Variants in CHN2 observed in about 807,000 individuals in gnomAD.
CHN2 encodes beta-chimaerin.
Under a neutral mutation model 56.3 loss-of-function variants are expected in CHN2, and 35 were observed. The observed-to-expected ratio is 0.62, with a 90% CI of 0.47 to 0.82. CHN2 has a LOEUF of 0.82. Ranked by LOEUF, CHN2 falls within the 40% of genes least tolerant of loss-of-function variation. The pLI is 0.00. For missense variants in CHN2, 491 were observed against 580.5 expected, an observed-to-expected ratio of 0.85 and a Z score of 1.58; for synonymous variants, 210 against 212.8, an observed-to-expected ratio of 0.99 and a Z score of 0.12.
At chr7:29,293,512 C>G (rs1283427158) in intron 1 of CHN2, among the ~76,000 whole-genome samples, 1 of 152,208 alleles carries the variant, frequency 6.6e-6, no homozygotes, top group Non-Finnish European at 1.5e-5. Flanking sequence ...CCTCAGACTT[C>G]TGGTCACTGT....
intron 1 of CHN2, among the ~76,000 whole-genome samples, chr7:29,305,108 G>A (rs1794037320): frequency 6.6e-6 from 1 of 152,152 alleles, no homozygotes; most frequent in South Asian, 2.1e-4. Context: ...CAGTGGCCAA[G>A]GAAGGAGCTC....
chr7:29,276,963 A>G (rs1462815368), intron 1 of CHN2, among the ~76,000 whole-genome samples: 1 of 152,178 alleles, frequency 6.6e-6, no homozygotes, highest in African/African-American at 2.4e-5. Flanking sequence ...GACAACTGCA[A>G]ACAGCCATGC....
intron 2 of CHN2, among the ~76,000 whole-genome samples, chr7:29,355,369 T>C (rs1396723928): frequency 6.6e-6 from 1 of 152,206 alleles, no homozygotes; most frequent in Admixed American, 6.5e-5. Context: ...TAAAATATCA[T>C]ATGACATCAA....
rs1460839162 is a variant in CHN2 at position 29,514,187 on chromosome 7, TGTTGTA to T, written c.*1456_*1461del. ...CTCCTCCCAACTGTACAGATTTGTT[TGTTGTA>T]GTTTATGTACTTCTTGATACTGTCA... On this transcript the variant is annotated 3_prime_UTR_variant, in exon 13 of 13. Coordinates refer to ENST00000222792, the MANE Select transcript of CHN2 (RefSeq NM_004067.4). 6.6e-6 allele frequency: 1 copy of T among 152,656 alleles called. No individual in the cohort carries two copies. The highest frequency in any genetic ancestry group is 1.5e-5 in the Non-Finnish European group (1 of 68,048). The allele number at this position is 152,656 out of a possible 1,614,324, so 9.5% of individuals were successfully genotyped here. A position where few individuals can be genotyped will look rare whatever the true frequency, so the allele number is the denominator to read the frequency against.
intron 3 of CHN2, among the ~76,000 whole-genome samples, chr7:29,388,026 TAATTATTTAGGAGCATTTTAGTA>T (rs1302515064): frequency 6.6e-6 from 1 of 152,200 alleles, no homozygotes. Context: ...GATTGTCAGG[TAATTATTTAGGAGCATTTTAGTA>T]ATATTTGGAA....
chr7:29,361,098 G>C (rs1012995236), intron 2 of CHN2, among the ~76,000 whole-genome samples: 1 of 152,206 alleles, frequency 6.6e-6, no homozygotes, highest in African/African-American at 2.4e-5. Flanking sequence ...TGCTGCAGAA[G>C]TAATTCCATC....
chr7:29,482,811 T>C (rs1297677705), intron 7 of CHN2, among the ~76,000 whole-genome samples: 5 of 28,522 alleles, frequency 1.8e-4, no homozygotes, highest in South Asian at 1.9e-3. Context: ...TTTTTTTTTT[T>C]TTTTTTTTTT....
chr7:29,261,726 T>C (rs1789571873), intron 1 of CHN2, among the ~76,000 whole-genome samples: 1 of 152,208 alleles, frequency 6.6e-6, no homozygotes, highest in Non-Finnish European at 1.5e-5. Flanking sequence ...CATTGGATGC[T>C]CATAGAGGTC....
chr7:29,498,232 A>G (rs1256909142), intron 8 of CHN2, among the ~76,000 whole-genome samples: 1 of 152,222 alleles, frequency 6.6e-6, no homozygotes, highest in East Asian at 1.9e-4. Context: ...ACACTATGCT[A>G]AACACTTTAT....
At chr7:29,430,947 T>C (rs1782810495) in intron 6 of CHN2, among the ~76,000 whole-genome samples, 1 of 152,140 alleles carries the variant, frequency 6.6e-6, no homozygotes, top group Non-Finnish European at 1.5e-5. Flanking sequence ...GGAGCCATAA[T>C]TGGCTTGGAC....
chr7:29,234,724 C>T (rs1351003340), intron 1 of CHN2, among the ~76,000 whole-genome samples: 2 of 152,138 alleles, frequency 1.3e-5, no homozygotes, highest in Admixed American at 6.5e-5. Context: ...TGTCATGTCC[C>T]GTCACATGAG....
chr7:29,201,583 A>G (rs563791206), intron 1 of CHN2, among the ~76,000 whole-genome samples: 1 of 152,228 alleles, frequency 6.6e-6, no homozygotes, highest in Non-Finnish European at 1.5e-5. Context: ...CCCTGTGTAT[A>G]GCTGTGTTGT....
In CHN2 at chr7:29,238,714, C is replaced by T. The variant is rs372211655; in HGVS notation, c.49+43724C>T. Reference sequence around the variant, plus strand: ...TTTGAGATAGGATGATCAGGGAGGGCCTTCCCAAGGTGGGGACTTTTAGCA... The same window carrying T: ...TTTGAGATAGGATGATCAGGGAGGGTCTTCCCAAGGTGGGGACTTTTAGCA... On this transcript the variant is annotated intron_variant, in intron 1 of 12. Transcript: ENST00000222792. Among the ~76,000 whole-genome samples, 67 of 152,220 alleles carry T rather than the reference C, an allele frequency of 4.4e-4. 2 individuals carry two copies. In the South Asian group the frequency reaches 0.014, roughly 32 times the overall value.
chr7:29,415,603 C>T (rs986909082), intron 6 of CHN2, among the ~76,000 whole-genome samples: 3 of 152,008 alleles, frequency 2.0e-5, no homozygotes, highest in Non-Finnish European at 2.9e-5. Flanking sequence ...GGGAAGGCTG[C>T]GAGGAGGGAG....
chr7:29,392,579 C>CCAG (rs1374743832), intron 3 of CHN2, among the ~76,000 whole-genome samples: 1 of 152,158 alleles, frequency 6.6e-6, no homozygotes, highest in Admixed American at 6.5e-5. Flanking sequence ...CGAGGCTTGT[C>CCAG]CTAGGCAGCA....
intron 1 of CHN2, among the ~76,000 whole-genome samples, chr7:29,285,534 A>G (rs568243019): frequency 6.6e-6 from 1 of 152,342 alleles, no homozygotes; most frequent in African/African-American, 2.4e-5. Flanking sequence ...TGTTTCCATG[A>G]ATGCAGCGTT....
At chr7:29,212,690 A>G in intron 1 of CHN2, 7 of 1,546,240 alleles carry the variant, frequency 4.5e-6, no homozygotes, top group Non-Finnish European at 6.3e-6. Flanking sequence ...ACTCTCCAAT[A>G]TCTGGAACCT....
intron 1 of CHN2, among the ~76,000 whole-genome samples, chr7:29,286,031 A>G (rs1358946688): frequency 3.3e-5 from 5 of 152,156 alleles, no homozygotes; most frequent in Admixed American, 2.0e-4. Context: ...CGCCAAGTAC[A>G]GGCATTAAGT....
rs245937 is a variant in CHN2 at position 29,221,156 on chromosome 7, G to A, written c.49+26166G>A. ...TGATAAAGTAATAAATGATTTCTCC[G>A]AGTTTGGGAACAAGAAAAGATCACC... On this transcript the variant is annotated intron_variant, in intron 1 of 12. Transcript: ENST00000222792. Among the ~76,000 whole-genome samples the A allele has an allele frequency of 7.9e-5, 12 of 152,038 alleles. 1 individual carries two copies. The Middle Eastern group carries it at 0.017, about 215-fold the overall frequency.
Sources: gnomAD v4.1 joint callset for allele counts (sites outside exome capture counted in the v4.1 genomes callset) on GRCh38, gnomAD v4.1.1 for gene constraint, MANE v1.5 for transcripts, NCBI Gene and HGNC (gene_info 2026-07-23, HGNC 2026-07-21) for gene names.